Variants in RB1CC1 observed in about 807,000 individuals in gnomAD.
RB1CC1 encodes the protein RB1-inducible coiled-coil protein 1.
RB1CC1 carries 46 observed loss-of-function variants against 177.5 expected under a neutral mutation model. The observed-to-expected ratio is 0.26, with a 90% CI of 0.20 to 0.33. The LOEUF is 0.33. Ranked by LOEUF, RB1CC1 falls within the 10% of genes least tolerant of loss-of-function variation. RB1CC1 has a pLI of 1.00. For synonymous variants in RB1CC1, 666 were observed against 613.6 expected, an observed-to-expected ratio of 1.09 and a Z score of -1.26; for missense variants, 1,703 against 1,816.3, an observed-to-expected ratio of 0.94 and a Z score of 1.13.
intron 1 of RB1CC1, among the ~76,000 whole-genome samples, chr8:52,697,596 C>T (rs1350760952): frequency 6.6e-6 from 1 of 151,906 alleles, no homozygotes; most frequent in African/African-American, 2.4e-5. Flanking sequence ...CAAAAATAAG[C>T]GAAGGAAGGA....
intron 3 of RB1CC1, 134 bp from the exon 4 acceptor site, chr8:52,684,147 A>T (rs1376611326): frequency 9.7e-7 from 1 of 1,033,910 alleles, no homozygotes; most frequent in Non-Finnish European, 1.3e-6. Context: ...ACAGTAATAA[A>T]AATATAAGCT....
intron 5 of RB1CC1, among the ~76,000 whole-genome samples, chr8:52,678,473 G>A (rs1311371954): frequency 6.6e-6 from 1 of 152,130 alleles, no homozygotes; most frequent in Non-Finnish European, 1.5e-5. Flanking sequence ...GGAGGCTAAG[G>A]TCAGTTAGAA....
At chr8:52,641,699 G>A (rs1849601822) in intron 18 of RB1CC1, among the ~76,000 whole-genome samples, 1 of 152,048 alleles carries the variant, frequency 6.6e-6, no homozygotes. Context: ...TAATGATCTG[G>A]ACTTTCTGCC....
intron 20 of RB1CC1, among the ~76,000 whole-genome samples, chr8:52,630,985 A>G (rs1028702061): frequency 6.6e-6 from 1 of 152,140 alleles, no homozygotes; most frequent in Non-Finnish European, 1.5e-5. Flanking sequence ...AACACCAAAC[A>G]AAGGAAGGAA....
chr8:52,709,268 G>A (rs997175565), intron 1 of RB1CC1, among the ~76,000 whole-genome samples: 2 of 151,962 alleles, frequency 1.3e-5, no homozygotes, highest in East Asian at 3.9e-4. Flanking sequence ...AGATGTACAG[G>A]AATAACAACT....
chr8:52,684,645 T>C (rs970704360), intron 3 of RB1CC1, among the ~76,000 whole-genome samples: 3 of 152,178 alleles, frequency 2.0e-5, no homozygotes, highest in African/African-American at 7.2e-5. Flanking sequence ...ATTTATCTTT[T>C]CTCTCCTTAA....
intron 18 of RB1CC1, among the ~76,000 whole-genome samples, chr8:52,639,467 G>A (rs1849403245): frequency 1.3e-5 from 2 of 152,128 alleles, no homozygotes; most frequent in African/African-American, 2.4e-5. Flanking sequence ...AATGAGGACA[G>A]AAAAAGTTGT....
rs758306082 is a variant in RB1CC1, at chr8:52,657,001, G to T, written c.2828C>A (p.Ser943Tyr). ...KLLEMENIMH[S>Y]QNCEIKELKQ... ...CAGTTCTTTAATTTCACAATTTTGA[G>T]AGTGCATTATATTTTCCATCTCTAA... The change falls in exon 15 of 24, where the codon TCT (serine) becomes TAT (tyrosine). Residue 943 changes from serine (S) to tyrosine (Y), a missense_variant. By Grantham distance (144) the Ser-to-Tyr change is moderately radical (BLOSUM62 -2). This residue lies in a region of RB1CC1 where 1,169 missense variants were observed against 1,184.7 expected (regional missense o/e 0.99). Coordinates refer to ENST00000025008, the MANE Select transcript of RB1CC1 (RefSeq NM_014781.5). 1.2e-6 allele frequency: 2 copies of T among 1,613,634 alleles called. No individual in the cohort carries two copies. The highest frequency in any genetic ancestry group is 2.2e-5 in the South Asian group (2 of 91,076).
chr8:52,687,473 AT>A (rs1854373471), intron 1 of RB1CC1, among the ~76,000 whole-genome samples: 2 of 152,206 alleles, frequency 1.3e-5, no homozygotes, highest in Admixed American at 6.5e-5. Context: ...AACCAAAAAA[AT>A]ATTGCAAAAA....
At chr8:52,697,804 G>C (rs1188840036) in intron 1 of RB1CC1, among the ~76,000 whole-genome samples, 1 of 152,084 alleles carries the variant, frequency 6.6e-6, no homozygotes, top group African/African-American at 2.4e-5. Context: ...TCATATTACA[G>C]GTCAGAATGT....
chr8:52,624,875 A>G, intron 22 of RB1CC1, 88 bp from the exon 23 acceptor site: 1 of 992,124 alleles, frequency 1.0e-6, no homozygotes, highest in East Asian at 2.9e-5. Flanking sequence ...AACAGACTAA[A>G]AAAGCTCTCA....
At chr8:52,659,021 A>G in intron 12 of RB1CC1, 45 bp from the exon 13 acceptor site, 1 of 1,043,230 alleles carries the variant, frequency 9.6e-7, no homozygotes, top group Non-Finnish European at 1.4e-6. Context: ...TTTTCAACCA[A>G]AAACAGACAG....
intron 20 of RB1CC1, 50 bp downstream of exon 20, chr8:52,634,871 C>T (rs571400535): frequency 5.7e-6 from 8 of 1,410,376 alleles, no homozygotes; most frequent in Admixed American, 1.8e-5. Flanking sequence ...AAATATAATG[C>T]AAATCATTTA....
At chr8:52,696,893 C>T (rs1019817506) in intron 1 of RB1CC1, among the ~76,000 whole-genome samples, 8 of 152,096 alleles carry the variant, frequency 5.3e-5, no homozygotes, top group Admixed American at 6.6e-5. Flanking sequence ...CTCCCAGCTA[C>T]TTGCGGGGCT....
At chr8:52,636,414 G>A (rs950151759) in intron 18 of RB1CC1, among the ~76,000 whole-genome samples, 4 of 152,156 alleles carry the variant, frequency 2.6e-5, no homozygotes, top group African/African-American at 9.6e-5. Context: ...AAAGACTTCA[G>A]TAGATTTACT....
rs1165265597 is a variant in RB1CC1, at chr8:52,642,733, C to T, written c.4067G>A (p.Ser1356Asn). 1.9e-6 allele frequency: 3 copies of T among 1,581,386 alleles called. No individual in the cohort carries two copies. The highest frequency in any genetic ancestry group is 2.4e-5 in the South Asian group (2 of 84,048). ...ATCCCGTTCTTGTTGCTGCATTGTA[C>T]TTTTCAACTTATCACTAAGATCATT... ...IINDLSDKLK[S>N]TMQQQERDKD... The change falls in exon 17 of 24, where the codon AGT becomes AAT. Residue 1356 changes from serine to asparagine, a missense_variant. Ser to Asn is a conservative substitution (Grantham distance 46, BLOSUM62 1). Transcript: ENST00000025008.
chr8:52,664,176 G>T (rs965700853), intron 8 of RB1CC1, among the ~76,000 whole-genome samples: 6 of 152,118 alleles, frequency 3.9e-5, no homozygotes, highest in Non-Finnish European at 7.4e-5. Flanking sequence ...CTTCAACTGG[G>T]TATCCCTTTT....
chr8:52,708,371 G>T (rs1182709659), intron 1 of RB1CC1, among the ~76,000 whole-genome samples: 1 of 152,142 alleles, frequency 6.6e-6, no homozygotes, highest in Non-Finnish European at 1.5e-5. Flanking sequence ...AAAAAAATTA[G>T]CCGGGCATGG....
intron 8 of RB1CC1, among the ~76,000 whole-genome samples, chr8:52,663,437 G>T (rs565187750): frequency 3.9e-5 from 6 of 151,988 alleles, no homozygotes; most frequent in African/African-American, 1.4e-4. Flanking sequence ...CCCCTTCAAA[G>T]GCATTTGAAA....
Sources: gnomAD v4.1 joint callset for allele counts (sites outside exome capture counted in the v4.1 genomes callset) on GRCh38, gnomAD v4.1.1 for gene constraint, gnomAD v4.1.1 regional missense constraint, MANE v1.5 for transcripts, NCBI Gene and HGNC (gene_info 2026-07-23, HGNC 2026-07-21) for gene names.